The following PAK5 variants were observed in gnomAD, a reference collection of about 807,000 sequenced individuals.
PAK5 encodes the protein serine/threonine-protein kinase PAK 5.
A neutral mutation model predicts 65.9 loss-of-function variants in PAK5; 16 were observed. The ratio of observed to expected loss-of-function variants is 0.24; its 90% confidence interval spans 0.16 to 0.37. The LOEUF (loss-of-function observed/expected upper bound fraction) is 0.37. Among genes scored for constraint, PAK5 ranks in the 10% least tolerant of loss-of-function variants. PAK5 has a pLI of 1.00. For synonymous variants in PAK5, 371 were observed against 354.9 expected (o/e 1.05, Z -0.51); for missense variants, 785 against 903.9 (o/e 0.87, Z 1.69).
At chr20:9,612,709 A>G (rs2046585536) in intron 3 of PAK5, among the ~76,000 whole-genome samples, 1 of 152,134 alleles carries the variant, frequency 6.6e-6, no homozygotes, top group African/African-American at 2.4e-5. Context: ...AGATTTGAGC[A>G]GGTTACAAAG....
At chr20:9,582,811 T>C (rs1396539915) in intron 3 of PAK5, among the ~76,000 whole-genome samples, 3 of 152,152 alleles carry the variant, frequency 2.0e-5, no homozygotes, top group African/African-American at 7.2e-5. Flanking sequence ...GATGGACTTA[T>C]GGTTATTTAT....
At chr20:9,640,845 A>G (rs549804122) in intron 3 of PAK5, among the ~76,000 whole-genome samples, 319 of 152,130 alleles carry the variant, frequency 2.1e-3, no homozygotes, top group Non-Finnish European at 3.8e-3. Context: ...TCAGGAGTGA[A>G]GCTGCAGATC....
chr20:9,599,057 A>AT (rs1167801284), intron 3 of PAK5, among the ~76,000 whole-genome samples: 3 of 152,072 alleles, frequency 2.0e-5, no homozygotes, highest in Non-Finnish European at 4.4e-5. Context: ...GTAACCTCGA[A>AT]TCTACTTTCT....
chr20:9,586,123 G>C (rs558203968), intron 3 of PAK5, among the ~76,000 whole-genome samples: 1 of 152,058 alleles, frequency 6.6e-6, no homozygotes, highest in African/African-American at 2.4e-5. Context: ...ATATCAAATT[G>C]GTATCCCAAT....
intron 2 of PAK5, among the ~76,000 whole-genome samples, chr20:9,669,924 C>A (rs1017560533): frequency 1.6e-5 from 2 of 121,874 alleles, no homozygotes; most frequent in African/African-American, 8.0e-5. Context: ...CCTTCTGCCT[C>A]CCCCCCACCC....
Position 9,537,375 on chromosome 20 carries a change from A to C in PAK5, c.*2087T>G, listed in dbSNP as rs1275309128. ...ATAAATTTGAGAAATCACTGTTTCC[A>C]ATAACACAATGGGGAAAAGGCAAAC... On this transcript the variant is annotated 3_prime_UTR_variant, in exon 10 of 10. Coordinates refer to ENST00000353224, the MANE Select transcript of PAK5 (RefSeq NM_177990.4). The C allele has an allele frequency of 5.3e-6, 1 of 189,662 alleles. No individual in the cohort carries two copies. The highest frequency in any genetic ancestry group is 1.1e-5 in the Non-Finnish European group (1 of 89,934). The allele number at this position is 189,662 out of a possible 1,614,324, so 11.7% of individuals were successfully genotyped here.
At chr20:9,738,236 C>G (rs907960401) in intron 1 of PAK5, among the ~76,000 whole-genome samples, 21 of 151,898 alleles carry the variant, frequency 1.4e-4, no homozygotes, top group Admixed American at 5.9e-4. Flanking sequence ...ATTGTATAAC[C>G]CACTTTGGAA....
At chr20:9,822,290 CAAAAA>C (rs34256527) in intron 1 of PAK5, among the ~76,000 whole-genome samples, 3 of 116,708 alleles carry the variant, frequency 2.6e-5, no homozygotes, top group Non-Finnish European at 5.3e-5. Flanking sequence ...AGATCTGTCT[CAAAAA>C]AAAAAAAAAA....
chr20:9,627,884 C>T (rs1439850202), intron 3 of PAK5, among the ~76,000 whole-genome samples: 1 of 152,206 alleles, frequency 6.6e-6, no homozygotes, highest in Admixed American at 6.5e-5. Context: ...GCCTCTGCCT[C>T]CCAAAGTGCT....
At chr20:9,766,310 TA>T (rs1475873619) in intron 1 of PAK5, among the ~76,000 whole-genome samples, 1 of 142,696 alleles carries the variant, frequency 7.0e-6, no homozygotes, top group African/African-American at 2.5e-5. Flanking sequence ...TCTACTTGAA[TA>T]TATATATATT....
chr20:9,732,213 C>A (rs886482997), intron 1 of PAK5, among the ~76,000 whole-genome samples: 70 of 152,036 alleles, frequency 4.6e-4, no homozygotes, highest in African/African-American at 1.6e-3. Flanking sequence ...GTTTTAACAG[C>A]TTAAGTACTC....
At chr20:9,562,851 A>C in intron 6 of PAK5, 40 bp downstream of exon 6, 4 of 1,586,856 alleles carry the variant, frequency 2.5e-6, no homozygotes, top group Non-Finnish European at 3.4e-6. Context: ...GGAGAAGAAT[A>C]AGAAGCACCT....
chr20:9,833,111 A>G lies in PAK5; in HGVS notation c.-162+5651T>C, dbSNP rs114891409. ...AGCTTTGTTTTCCACCTTGCATATA[A>G]ACTTATCAATTTATGTGGAATTTCA... On this transcript the variant is annotated intron_variant, in intron 1 of 9. Coordinates refer to ENST00000353224, the MANE Select transcript of PAK5 (RefSeq NM_177990.4). 9.6e-3 allele frequency among the ~76,000 whole-genome samples: 1,456 copies of G among 152,338 alleles called. 26 individuals are homozygous for G. The highest frequency in any genetic ancestry group is 0.033 in the African/African-American group (1,387 of 41,572).
chr20:9,637,177 TA>T (rs1324587443), intron 3 of PAK5, among the ~76,000 whole-genome samples: 1 of 152,096 alleles, frequency 6.6e-6, no homozygotes. Context: ...ATATTTTTTT[TA>T]TTATTACTTT....
At chr20:9,763,938 G>A (rs2048728410) in intron 1 of PAK5, among the ~76,000 whole-genome samples, 1 of 152,014 alleles carries the variant, frequency 6.6e-6, no homozygotes, top group East Asian at 1.9e-4. Context: ...GTACCTGCAG[G>A]TATGACACTT....
At chr20:9,808,288 G>A (rs937588916) in intron 1 of PAK5, among the ~76,000 whole-genome samples, 9 of 152,228 alleles carry the variant, frequency 5.9e-5, no homozygotes, top group Non-Finnish European at 1.2e-4. Flanking sequence ...GTACAAAAAA[G>A]TATGTGAAAA....
intron 1 of PAK5, among the ~76,000 whole-genome samples, chr20:9,826,958 C>G (rs181746987): frequency 6.6e-6 from 1 of 152,074 alleles, no homozygotes; most frequent in Non-Finnish European, 1.5e-5. Flanking sequence ...GTGGGGAGGC[C>G]GGCTCTCAGC....
chr20:9,571,969 C>T (rs1481371994), intron 4 of PAK5, among the ~76,000 whole-genome samples: 1 of 151,438 alleles, frequency 6.6e-6, no homozygotes, highest in Non-Finnish European at 1.5e-5. Flanking sequence ...CACTGGGGGC[C>T]CAGATGTTTG....
chr20:9,780,163 G>A (rs1332955338), intron 1 of PAK5, among the ~76,000 whole-genome samples: 1 of 151,932 alleles, frequency 6.6e-6, no homozygotes, highest in Non-Finnish European at 1.5e-5. Flanking sequence ...TATTAGCATG[G>A]GGCAAAATTA....
Sources: gnomAD v4.1 joint callset for allele counts (sites outside exome capture counted in the v4.1 genomes callset) on GRCh38, gnomAD v4.1.1 for gene constraint, MANE v1.5 for transcripts, NCBI Gene and HGNC (gene_info 2026-07-23, HGNC 2026-07-21) for gene names.